The following PCDHGC4 variants were observed in gnomAD, a reference collection of about 807,000 sequenced individuals.
PCDHGC4 encodes protocadherin gamma subfamily C, 4, also known as protocadherin gamma-C4.
Under a neutral mutation model 59.7 loss-of-function variants are expected in PCDHGC4, and 15 were observed. That is an observed-to-expected ratio of 0.25 (90% CI 0.17 to 0.39). The LOEUF (loss-of-function observed/expected upper bound fraction) is 0.39, where lower values mean the gene tolerates loss of function less well. Ranked by LOEUF, PCDHGC4 falls within the 10% of genes least tolerant of loss-of-function variation. The pLI, the probability that PCDHGC4 is intolerant of heterozygous loss-of-function variation, is 1.00. For missense variants in PCDHGC4, 1,016 were observed against 1,189.5 expected (o/e 0.85, Z 2.15); for synonymous variants, 434 against 481.4 (o/e 0.90, Z 1.29).
At position 141,485,331 on chromosome 5, in the gene PCDHGC4, T is replaced by G; in HGVS notation, c.158T>G (p.Leu53Arg). 6.2e-7 allele frequency: 1 copy of G among 1,614,166 alleles called. No individual in the cohort carries two copies. Among genetic ancestry groups the G allele is most frequent in the Admixed American group, 1.7e-5 (1 of 60,022 alleles). ...TFVGNVAQDF[L>R]LDTDSLSARR... Reference sequence around the variant, plus strand: ...GTAGGGAATGTCGCTCAAGATTTCCTGCTGGATACGGACAGTCTGTCAGCT... The same window carrying G: ...GTAGGGAATGTCGCTCAAGATTTCCGGCTGGATACGGACAGTCTGTCAGCT... Residue 53 changes from leucine to arginine, a missense_variant, in exon 1 of 4, where the codon CTG becomes CGG. By Grantham distance (102) the Leu-to-Arg change is moderately radical (BLOSUM62 -2). Coordinates refer to ENST00000306593, the MANE Select transcript of PCDHGC4 (RefSeq NM_018928.3). The surrounding 1 kb of genome is among the most constrained non-coding windows in gnomAD (Gnocchi z 5.7).
rs1207371456 is a variant in PCDHGC4 at position 141,487,371 on chromosome 5, G to A, written c.2198G>A (p.Cys733Tyr). The change falls in exon 1 of 4, where the codon TGT becomes TAT. Residue 733 changes from cysteine (C) to tyrosine (Y), a missense_variant. Transcript: ENST00000306593. The surrounding 1 kb of genome is among the most constrained non-coding windows in gnomAD (Gnocchi z 5.0). ...TGCTTTCCTGCTGGCACCTGTGCCT[G>A]TCTCACCAGATCTCGAAGGAGGGAG... ...VTCFPAGTCA[C>Y]LTRSRRREGL... The A allele has an allele frequency of 4.3e-6, 7 of 1,614,076 alleles. No individual in the cohort carries two copies. In the Admixed American group the frequency reaches 5.0e-5, roughly 12 times the overall value.
At chr5:141,505,332 A>C in intron 2 of PCDHGC4, 61 bp from the exon 3 acceptor site, 1 of 1,610,872 alleles carries the variant, frequency 6.2e-7, no homozygotes, top group South Asian at 1.1e-5. Flanking sequence ...GGGAGAGGAC[A>C]GGAGGGGCAT....
At chr5:141,506,787 G>A (rs55775963) in intron 3 of PCDHGC4, among the ~76,000 whole-genome samples, 1,925 of 152,270 alleles carry the variant, frequency 0.013, 43 homozygotes, top group African/African-American at 0.044. Flanking sequence ...CTTATAAGGA[G>A]GCTGGCAGAG....
In PCDHGC4 at chr5:141,489,684, T is replaced by A; in HGVS notation, c.2442+2069T>A. 1 of 1,614,180 alleles carries A rather than the reference T, an allele frequency of 6.2e-7. No homozygotes were observed. Among genetic ancestry groups the A allele is most frequent in the South Asian group, 1.1e-5 (1 of 91,078 alleles). ...TGCGCATCTCAGAATCAGCAGCATC[T>A]GGGGCACGATTCCCACTGGACAGTG... On this transcript the variant is annotated intron_variant, in intron 1 of 3. Transcript: ENST00000306593. This position sits in a 1 kb window ranked among gnomAD's most constrained non-coding sequence, Gnocchi z 4.5.
rs777288812 is a variant in PCDHGC4 at position 141,487,236 on chromosome 5, G to A, written c.2063G>A (p.Arg688His). The A allele has an allele frequency of 1.7e-5, 28 of 1,613,962 alleles. No homozygotes were observed. The highest frequency in any genetic ancestry group is 1.4e-4 in the South Asian group (13 of 91,070). Residue 688 changes from arginine (R) to histidine (H), a missense_variant, in exon 1 of 4, where the codon CGT becomes CAT. Arg to His is a conservative substitution (Grantham distance 29). Coordinates refer to ENST00000306593, the MANE Select transcript of PCDHGC4 (RefSeq NM_018928.3). This position sits in a 1 kb window ranked among gnomAD's most constrained non-coding sequence, Gnocchi z 5.0. The part of the protein sequence containing the change: ...ESSAPREGES[R>H]LTLYLAVSLV... ...TCAGCTCCAAGGGAAGGAGAATCTC[G>A]TCTAACCCTCTACTTGGCTGTGTCC... is the stretch of plus-strand genomic sequence containing the variant.
intron 1 of PCDHGC4, 137 bp from the exon 2 acceptor site, chr5:141,494,670 C>T: frequency 6.5e-7 from 1 of 1,529,402 alleles, no homozygotes; most frequent in Non-Finnish European, 8.8e-7. Flanking sequence ...GGAGATGAGT[C>T]CACCCCTGCC....
chr5:141,505,628 A>C, intron 3 of PCDHGC4, 147 bp downstream of exon 3: 1 of 1,481,752 alleles, frequency 6.7e-7, no homozygotes, highest in Non-Finnish European at 9.0e-7. Flanking sequence ...ACAATTCCAA[A>C]CATAAAGCCT....
In PCDHGC4 at chr5:141,512,843, T is replaced by G. The variant is rs2099884463; in HGVS notation, c.*1670T>G. ...CCCTCCCCCGTACTGACTTCTCCTATAAGCGCTTCTCTTCGCATAGTCACG... is the reference window on the plus strand; with the variant it reads ...CCCTCCCCCGTACTGACTTCTCCTAGAAGCGCTTCTCTTCGCATAGTCACG... On this transcript the variant is annotated 3_prime_UTR_variant, in exon 4 of 4. Coordinates refer to ENST00000306593, the MANE Select transcript of PCDHGC4 (RefSeq NM_018928.3). 6.6e-6 allele frequency: 1 copy of G among 152,290 alleles called. No individual in the cohort carries two copies. The highest frequency in any genetic ancestry group is 1.5e-5 in the Non-Finnish European group (1 of 68,088). 9.4% of individuals were successfully genotyped at this position (152,290 alleles called of 1,614,324 possible).
At position 141,512,430 on chromosome 5, in the gene PCDHGC4, CT is replaced by C. The variant is rs1357890225; in HGVS notation, c.*1258del. The C allele has an allele frequency of 1.3e-5, 2 of 152,824 alleles. No homozygotes were observed. Among genetic ancestry groups the C allele is most frequent in the Non-Finnish European group, 2.9e-5 (2 of 68,158 alleles). 9.5% of individuals were successfully genotyped at this position (152,824 alleles called of 1,614,324 possible). On this transcript the variant is annotated 3_prime_UTR_variant, in exon 4 of 4. Coordinates refer to ENST00000306593, the MANE Select transcript of PCDHGC4 (RefSeq NM_018928.3). ...CTTCTTCAACAGGGCCCCTGCCCTCCTGAAGCCTCAGTCCTTCACCTTGCCA... is the reference window on the plus strand; with the variant it reads ...CTTCTTCAACAGGGCCCCTGCCCTCCGAAGCCTCAGTCCTTCACCTTGCCA...
Position 141,490,924 on chromosome 5 carries a change from C to G in PCDHGC4, c.2442+3309C>G, listed in dbSNP as rs1469202824. The G allele has an allele frequency of 1.9e-6, 3 of 1,613,562 alleles. No individual in the cohort carries two copies. The highest frequency in any genetic ancestry group is 2.5e-6 in the Non-Finnish European group (3 of 1,179,702). ...TGTCCTAGACGAGAATGATAATGCC[C>G]CAGCTGTGCTGCACCCACGGCCAGA... On this transcript the variant is annotated intron_variant, in intron 1 of 3. Transcript: ENST00000306593. The surrounding 1 kb of genome is among the most constrained non-coding windows in gnomAD (Gnocchi z 5.4).
chr5:141,501,374 T>A (rs2099808767), intron 2 of PCDHGC4, among the ~76,000 whole-genome samples: 1 of 151,106 alleles, frequency 6.6e-6, no homozygotes. Context: ...CATCATCTCT[T>A]AAATCCTAGG....
chr5:141,496,152 C>T (rs771462960), intron 2 of PCDHGC4, among the ~76,000 whole-genome samples: 2 of 152,080 alleles, frequency 1.3e-5, no homozygotes, highest in Non-Finnish European at 1.5e-5. Flanking sequence ...GATCGCAGCT[C>T]TCCACCAGAC....
chr5:141,491,560 T>C lies in PCDHGC4; in HGVS notation c.2443-3247T>C. 1 of 1,613,986 alleles carries C rather than the reference T, an allele frequency of 6.2e-7. No homozygotes were observed. Among genetic ancestry groups the C allele is most frequent in the Non-Finnish European group, 8.5e-7 (1 of 1,180,026 alleles). ...GCCCACAGACTCGCAGAGCCACTGCTACAGGACGTGCTTTTCACCGGCCTC... is the reference window on the plus strand; with the variant it reads ...GCCCACAGACTCGCAGAGCCACTGCCACAGGACGTGCTTTTCACCGGCCTC... On this transcript the variant is annotated intron_variant, in intron 1 of 3. Coordinates refer to ENST00000306593, the MANE Select transcript of PCDHGC4 (RefSeq NM_018928.3). This position sits in a 1 kb window ranked among gnomAD's most constrained non-coding sequence, Gnocchi z 6.9.
Position 141,486,534 on chromosome 5 carries a change from C to G in PCDHGC4, c.1361C>G (p.Ser454Cys). The stretch of plus-strand genomic sequence containing the variant: ...TCAGATGTGAATGATAATCCACCCT[C>G]TTTCTTTCAGAGGTCACATGAGGTG... The part of the protein sequence containing the change: ...NISDVNDNPP[S>C]FFQRSHEVFV... The change falls in exon 1 of 4, where the codon TCT becomes TGT. Residue 454 changes from serine (S) to cysteine (C), a missense_variant. Transcript: ENST00000306593. The surrounding 1 kb of genome is among the most constrained non-coding windows in gnomAD (Gnocchi z 5.0). 1 of 1,614,176 alleles carries G rather than the reference C, an allele frequency of 6.2e-7. No individual in the cohort carries two copies. Among genetic ancestry groups the G allele is most frequent in the Non-Finnish European group, 8.5e-7 (1 of 1,180,030 alleles).
chr5:141,500,184 T>TTTTATTTATTTATTTATTTA (rs58019021), intron 2 of PCDHGC4, among the ~76,000 whole-genome samples: 1 of 135,886 alleles, frequency 7.4e-6, no homozygotes, highest in African/African-American at 2.7e-5. Flanking sequence ...TCATTTTTAT[T>TTTTATTTATTTATTTATTTA]TTTATTTATT....
At position 141,490,181 on chromosome 5, in the gene PCDHGC4, G is replaced by A. The variant is rs755899660; in HGVS notation, c.2442+2566G>A. ...GGTCCCATAGACTTTGAGGAGTCACGTTTCTATGAAATTCATGCAAGAGCC... is the reference window on the plus strand; with the variant it reads ...GGTCCCATAGACTTTGAGGAGTCACATTTCTATGAAATTCATGCAAGAGCC... On this transcript the variant is annotated intron_variant, in intron 1 of 3. Coordinates refer to ENST00000306593, the MANE Select transcript of PCDHGC4 (RefSeq NM_018928.3). This position sits in a 1 kb window ranked among gnomAD's most constrained non-coding sequence, Gnocchi z 5.4. The A allele has an allele frequency of 9.9e-6, 16 of 1,614,200 alleles. No homozygotes were observed. Among genetic ancestry groups the A allele is most frequent in the Middle Eastern group, 1.6e-4 (1 of 6,062 alleles).
chr5:141,505,509 G>A (rs778054090), intron 3 of PCDHGC4, 28 bp downstream of exon 3: 1 of 1,613,940 alleles, frequency 6.2e-7, no homozygotes, highest in Non-Finnish European at 8.5e-7. Context: ...GTGTATGGAA[G>A]AGTGGGAGAC....
rs539348000 is a variant in PCDHGC4 at position 141,504,908 on chromosome 5, G to A, written c.2502-485G>A. 5.9e-5 allele frequency among the ~76,000 whole-genome samples: 9 copies of A among 152,208 alleles called. No homozygotes were observed. In the East Asian group the frequency reaches 1.7e-3, roughly 29 times the overall value. On this transcript the variant is annotated intron_variant, in intron 2 of 3. Coordinates refer to ENST00000306593, the MANE Select transcript of PCDHGC4 (RefSeq NM_018928.3). Reference sequence around the variant, plus strand: ...AGGTCTGATCTCCCTCACTATGACAGGAAGCCAGGCTCTCTCATGGTGGGT... The same window carrying A: ...AGGTCTGATCTCCCTCACTATGACAAGAAGCCAGGCTCTCTCATGGTGGGT...
Position 141,485,844 on chromosome 5 carries a change from G to T in PCDHGC4, c.671G>T (p.Gly224Val). Residue 224 changes from glycine to valine, a missense_variant, in exon 1 of 4, where the codon GGC becomes GTC. Transcript: ENST00000306593. This position sits in a 1 kb window ranked among gnomAD's most constrained non-coding sequence, Gnocchi z 5.7. ...AVDGGNPPRS[G>V]TAELRVSVLD... ...GATGGAGGGAACCCGCCGAGATCTG[G>T]CACCGCAGAGCTCCGGGTATCCGTG... The T allele has an allele frequency of 1.9e-6, 3 of 1,613,890 alleles. 1 individual carries two copies. The South Asian group carries it at 3.3e-5, about 18-fold the overall frequency.
Sources: allele counts gnomAD v4.1 joint callset (sites outside exome capture counted in the v4.1 genomes callset), GRCh38; gene constraint gnomAD v4.1.1; non-coding constraint Gnocchi (gnomAD v3.1); transcripts MANE v1.5; gene names NCBI Gene and HGNC (gene_info 2026-07-23, HGNC 2026-07-21).